FSTL4: variants seen among roughly 807,000 people sequenced by gnomAD.
FSTL4 encodes follistatin like 4.
A neutral mutation model predicts 78.2 loss-of-function variants in FSTL4; 28 were observed. The observed-to-expected ratio is 0.36, with a 90% CI of 0.27 to 0.49. FSTL4 has a LOEUF of 0.49. FSTL4 is among the 20% of genes least tolerant of loss of function. FSTL4 has a pLI of 0.98. For missense variants in FSTL4, 922 were observed against 1,084.9 expected, an observed-to-expected ratio of 0.85 and a Z score of 2.11; for synonymous variants, 422 against 440.5, an observed-to-expected ratio of 0.96 and a Z score of 0.53.
chr5:133,615,165 C>A (rs937397947), upstream of FSTL4, among the ~76,000 whole-genome samples: 1 of 152,192 alleles, frequency 6.6e-6, no homozygotes, highest in African/African-American at 2.4e-5. Context: ...TGTGGGTCAG[C>A]TTACCCTTGG....
intron 6 of FSTL4, among the ~76,000 whole-genome samples, chr5:133,288,728 C>T (rs1321778206): frequency 6.6e-6 from 1 of 152,196 alleles, no homozygotes; most frequent in African/African-American, 2.4e-5. Flanking sequence ...CCCAAGGTGC[C>T]TGTGAAAAGG....
the FSTL4 span, among the ~76,000 whole-genome samples, chr5:133,797,491 G>A: frequency 1.1e-4 from 17 of 152,216 alleles, no homozygotes; most frequent in African/African-American, 4.1e-4. Context: ...TGTTCCATCT[G>A]TCTTAGGATC....
rs570455842 is a variant in FSTL4, at chr5:133,575,905, A to G, written c.127-8686T>C. On this transcript the variant is annotated intron_variant, in intron 2 of 15. Transcript: ENST00000265342. ...TTTAGATTTTTCATTCACTGCTCAT[A>G]ACCTTTCTACGAGTTTGACAGCCAA... Among the ~76,000 whole-genome samples the G allele has an allele frequency of 2.0e-5, 3 of 152,342 alleles. No individual in the cohort carries two copies. The South Asian group carries it at 6.2e-4, about 32-fold the overall frequency.
chr5:133,319,898 G>T (rs1206667921), intron 4 of FSTL4, among the ~76,000 whole-genome samples: 1 of 152,164 alleles, frequency 6.6e-6, no homozygotes, highest in Non-Finnish European at 1.5e-5. Context: ...AAATTACTGA[G>T]CTCCTCTGGT....
At chr5:133,368,363 C>T (rs1297410592) in intron 4 of FSTL4, among the ~76,000 whole-genome samples, 1 of 152,224 alleles carries the variant, frequency 6.6e-6, no homozygotes, top group Non-Finnish European at 1.5e-5. Context: ...CACACCAGTG[C>T]TGTCTGCACA....
chr5:133,776,517 C>T, the FSTL4 span, among the ~76,000 whole-genome samples: 1 of 152,200 alleles, frequency 6.6e-6, no homozygotes. Flanking sequence ...ATAGCCCCTT[C>T]TTTAACCTCC....
intron 3 of FSTL4, among the ~76,000 whole-genome samples, chr5:133,497,826 G>C (rs773108116): frequency 1.6e-4 from 24 of 152,200 alleles, no homozygotes; most frequent in Non-Finnish European, 3.1e-4. Flanking sequence ...TTCTAAGTAG[G>C]AGATGCTCTC....
At chr5:133,789,915 T>G in the FSTL4 span, among the ~76,000 whole-genome samples, 1 of 152,206 alleles carries the variant, frequency 6.6e-6, no homozygotes, top group Non-Finnish European at 1.5e-5. Context: ...ACAGCCATAT[T>G]GAGGACTAGG....
chr5:133,808,877 G>A, the FSTL4 span, among the ~76,000 whole-genome samples: 3 of 36,622 alleles, frequency 8.2e-5, no homozygotes, highest in Non-Finnish European at 1.7e-4. Flanking sequence ...CACCGCCCCC[G>A]CACACAAACA....
At chr5:133,395,335 C>A (rs531377977) in intron 4 of FSTL4, among the ~76,000 whole-genome samples, 2 of 152,254 alleles carry the variant, frequency 1.3e-5, no homozygotes, top group East Asian at 1.9e-4. Flanking sequence ...TCCAGACGCG[C>A]CGCCTTAAGA....
chr5:133,383,770 A>G (rs988267219), intron 4 of FSTL4, among the ~76,000 whole-genome samples: 3 of 152,030 alleles, frequency 2.0e-5, no homozygotes, highest in African/African-American at 7.3e-5. Flanking sequence ...CCAGATTCCC[A>G]TGTCTTTGAA....
chr5:133,684,331 A>G, the FSTL4 span, among the ~76,000 whole-genome samples: 5 of 152,158 alleles, frequency 3.3e-5, no homozygotes, highest in African/African-American at 1.2e-4. Context: ...GGGAGGGTGC[A>G]GAGGGGAGAG....
intron 6 of FSTL4, among the ~76,000 whole-genome samples, chr5:133,278,117 G>A (rs771117889): frequency 6.6e-6 from 1 of 152,178 alleles, no homozygotes; most frequent in Non-Finnish European, 1.5e-5. Flanking sequence ...CATCAGAGGT[G>A]ACTGGTCTCA....
intron 7 of FSTL4, among the ~76,000 whole-genome samples, chr5:133,244,995 C>T (rs911594530): frequency 3.9e-5 from 6 of 151,944 alleles, no homozygotes; most frequent in African/African-American, 7.3e-5. Context: ...TGGTGCATGC[C>T]TGTGGTCCCA....
At chr5:133,333,269 A>C (rs1162518893) in intron 4 of FSTL4, among the ~76,000 whole-genome samples, 4 of 152,226 alleles carry the variant, frequency 2.6e-5, no homozygotes, top group Non-Finnish European at 5.9e-5. Flanking sequence ...TTTATTGATT[A>C]GGAAACTGAG....
At chr5:133,742,492 G>C in the FSTL4 span, among the ~76,000 whole-genome samples, 1 of 152,188 alleles carries the variant, frequency 6.6e-6, no homozygotes. Flanking sequence ...ATAACTGGAG[G>C]AAGTGAAAGC....
At chr5:133,400,695 C>T (rs765736692) in intron 4 of FSTL4, 43 bp downstream of exon 4, 68 of 1,584,200 alleles carry the variant, frequency 4.3e-5, no homozygotes, top group Non-Finnish European at 5.7e-5. Flanking sequence ...TTGGAAGACC[C>T]ATCACAAAAC....
intron 4 of FSTL4, among the ~76,000 whole-genome samples, chr5:133,349,295 C>CTCTCTCTCTGTG (rs11269337): frequency 7.2e-6 from 1 of 139,682 alleles, no homozygotes; most frequent in African/African-American, 2.7e-5. Context: ...GCCTCTCTCT[C>CTCTCTCTCTGTG]TGTGTGTGTG....
At chr5:133,580,484 G>A (rs1760377286) in intron 2 of FSTL4, among the ~76,000 whole-genome samples, 1 of 152,196 alleles carries the variant, frequency 6.6e-6, no homozygotes, top group African/African-American at 2.4e-5. Context: ...CTCACTGGAA[G>A]AAACGGGCAA....
Sources: gnomAD v4.1 joint callset for allele counts (sites outside exome capture counted in the v4.1 genomes callset) on GRCh38, gnomAD v4.1.1 for gene constraint, MANE v1.5 for transcripts, NCBI Gene and HGNC (gene_info 2026-07-23, HGNC 2026-07-21) for gene names.